The following SMAP2 variants were observed in gnomAD, a reference collection of about 807,000 sequenced individuals.
SMAP2 encodes stromal membrane-associated protein 2.
SMAP2 carries 25 observed loss-of-function variants against 56.4 expected under a neutral mutation model. The observed-to-expected ratio is 0.44, with a 90% CI of 0.32 to 0.62. The LOEUF (loss-of-function observed/expected upper bound fraction) is 0.62. Ranked by LOEUF, SMAP2 falls within the 20% of genes least tolerant of loss-of-function variation. The pLI is 0.04. For synonymous variants in SMAP2, 157 were observed against 181.7 expected (o/e 0.86, Z 1.09); for missense variants, 388 against 545.6 (o/e 0.71, Z 2.88).
Position 40,422,237 on chromosome 1 carries a change from T to C in SMAP2, c.*136T>C. The C allele has an allele frequency of 8.0e-7, 1 of 1,247,390 alleles. No homozygotes were observed. Among genetic ancestry groups the C allele is most frequent in the Non-Finnish European group, 1.1e-6 (1 of 908,384 alleles). 77.3% of individuals were successfully genotyped at this position (1,247,390 alleles called of 1,614,324 possible). On this transcript the variant is annotated 3_prime_UTR_variant, in exon 10 of 10. Coordinates refer to ENST00000372718, the MANE Select transcript of SMAP2 (RefSeq NM_022733.3). ...ATTGCTCAATAAGTCATTTGGGGTT[T>C]GGCATCCTGCCCAGCCACTTCCCAA...
intron 9 of SMAP2, among the ~76,000 whole-genome samples, chr1:40,419,701 A>C (rs1464443893): frequency 2.0e-5 from 3 of 152,258 alleles, no homozygotes; most frequent in Non-Finnish European, 4.4e-5. Flanking sequence ...CTCTTCTATC[A>C]AAAGAAAATG....
chr1:40,376,573 C>CT (rs376165527), intron 1 of SMAP2, among the ~76,000 whole-genome samples: 56 of 152,318 alleles, frequency 3.7e-4, no homozygotes, highest in African/African-American at 1.3e-3. Context: ...CCCTCTCACT[C>CT]TTTTTCCCCT....
At chr1:40,388,956 C>T (rs1644689393) in intron 1 of SMAP2, among the ~76,000 whole-genome samples, 1 of 152,060 alleles carries the variant, frequency 6.6e-6, no homozygotes, top group African/African-American at 2.4e-5. Context: ...CTTTAACACT[C>T]ACCGCGAGGG....
chr1:40,420,713 C>T (rs1645033894), intron 9 of SMAP2, among the ~76,000 whole-genome samples: 1 of 152,180 alleles, frequency 6.6e-6, no homozygotes, highest in South Asian at 2.1e-4. Flanking sequence ...ACATGTGTCA[C>T]CTCCATAGAA....
At chr1:40,348,786 T>C (rs985576190) in intron 1 of SMAP2, among the ~76,000 whole-genome samples, 1 of 152,188 alleles carries the variant, frequency 6.6e-6, no homozygotes, top group Non-Finnish European at 1.5e-5. Flanking sequence ...TCTTTCTTTC[T>C]TTTTTGAGAT....
chr1:40,362,610 T>C (rs1644464222), intron 2 of SMAP2, among the ~76,000 whole-genome samples: 1 of 152,156 alleles, frequency 6.6e-6, no homozygotes, highest in South Asian at 2.1e-4. Context: ...CTGATTCTTT[T>C]TCATGTGATT....
At chr1:40,392,979 G>A (rs988521673) in intron 1 of SMAP2, among the ~76,000 whole-genome samples, 1 of 151,926 alleles carries the variant, frequency 6.6e-6, no homozygotes, top group East Asian at 1.9e-4. Context: ...GCATGCACCT[G>A]TAGTCCCAGG....
chr1:40,414,944 G>T (rs1390994163), intron 6 of SMAP2, among the ~76,000 whole-genome samples: 1 of 152,108 alleles, frequency 6.6e-6, no homozygotes, highest in Non-Finnish European at 1.5e-5. Context: ...ACCTTTCCTT[G>T]CTCTCTGAAA....
At position 40,416,209 on chromosome 1, in the gene SMAP2, G is replaced by A. The variant is rs745490745; in HGVS notation, c.715G>A (p.Gly239Ser). The A allele has an allele frequency of 1.2e-5, 20 of 1,613,814 alleles. 1 individual carries two copies. The highest frequency in any genetic ancestry group is 1.6e-4 in the Middle Eastern group (1 of 6,082). Reference protein sequence around the residue: ...VGSMPTAGSAGSVPENLNLFP... With the variant: ...VGSMPTAGSASSVPENLNLFP... ...TTCCATGCCAACTGCAGGGAGTGCCGGCTCTGTTCCTGAAAATCTGAACCT... is the reference window on the plus strand; with the variant it reads ...TTCCATGCCAACTGCAGGGAGTGCCAGCTCTGTTCCTGAAAATCTGAACCT... The change falls in exon 8 of 10, where the codon GGC becomes AGC. Residue 239 changes from glycine (G) to serine (S), a missense_variant. Coordinates refer to ENST00000372718, the MANE Select transcript of SMAP2 (RefSeq NM_022733.3).
chr1:40,419,345 A>G (rs1645020522), intron 9 of SMAP2, among the ~76,000 whole-genome samples: 1 of 150,166 alleles, frequency 6.7e-6, no homozygotes, highest in African/African-American at 2.5e-5. Context: ...CAGTGGCACA[A>G]TCTCGGCTCA....
At chr1:40,370,863 A>G (rs1189672549), upstream of SMAP2, among the ~76,000 whole-genome samples, 1 of 151,728 alleles carries the variant, frequency 6.6e-6, no homozygotes, top group African/African-American at 2.4e-5. Flanking sequence ...TAATAAAAAA[A>G]AAAAAAAAAG....
upstream of SMAP2, among the ~76,000 whole-genome samples, chr1:40,370,868 AAAAAG>A (rs1490958930): frequency 4.0e-5 from 6 of 151,712 alleles, no homozygotes; most frequent in Non-Finnish European, 8.8e-5. Flanking sequence ...AAAAAAAAAA[AAAAAG>A]AAAAGAAAAT....
At chr1:40,419,839 G>A (rs1645025488) in intron 9 of SMAP2, among the ~76,000 whole-genome samples, 1 of 152,134 alleles carries the variant, frequency 6.6e-6, no homozygotes, top group Admixed American at 6.5e-5. Context: ...CATGTGTACT[G>A]CACATGTGCA....
At chr1:40,356,411 T>TG (rs371801279) in intron 1 of SMAP2, among the ~76,000 whole-genome samples, 1,730 of 149,082 alleles carry the variant, frequency 0.012, 19 homozygotes, top group Admixed American at 0.018. Flanking sequence ...TTTTGTTTTT[T>TG]TTTGTTTTTT....
chr1:40,374,341 G>T lies in SMAP2; in HGVS notation c.103+118G>T. The stretch of plus-strand genomic sequence containing the variant: ...CCCAACTCGGCTTATAAGTGGTAAC[G>T]CGTGCTGCGCTTGCAGTGAGCCTAC... On this transcript the variant is annotated intron_variant, in intron 1 of 9. Coordinates refer to ENST00000372718, the MANE Select transcript of SMAP2 (RefSeq NM_022733.3). The surrounding 1 kb of genome is among the most constrained non-coding windows in gnomAD (Gnocchi z 5.9). 1 of 847,470 alleles carries T rather than the reference G, an allele frequency of 1.2e-6. No individual in the cohort carries two copies. Among genetic ancestry groups the T allele is most frequent in the Non-Finnish European group, 1.9e-6 (1 of 513,496 alleles). The allele number at this position is 847,470 out of a possible 1,614,324, so 52.5% of individuals were successfully genotyped here.
intron 1 of SMAP2, among the ~76,000 whole-genome samples, chr1:40,395,979 A>T (rs1644767859): frequency 6.6e-6 from 1 of 152,198 alleles, no homozygotes; most frequent in African/African-American, 2.4e-5. Context: ...TGGTAGGAAG[A>T]TAATGTTGCT....
upstream of SMAP2, among the ~76,000 whole-genome samples, chr1:40,371,242 G>A (rs550581757): frequency 2.8e-4 from 42 of 152,118 alleles, no homozygotes; most frequent in Non-Finnish European, 5.3e-4. Flanking sequence ...ATGGAACAGA[G>A]TGAACATTTT....
intron 1 of SMAP2, among the ~76,000 whole-genome samples, chr1:40,379,958 G>C (rs1644581397): frequency 1.3e-5 from 2 of 152,212 alleles, no homozygotes; most frequent in Non-Finnish European, 2.9e-5. Flanking sequence ...GGAACAGCCA[G>C]TTAAATTCCT....
At chr1:40,387,730 C>T (rs536074729) in intron 1 of SMAP2, among the ~76,000 whole-genome samples, 1 of 152,200 alleles carries the variant, frequency 6.6e-6, no homozygotes, top group Non-Finnish European at 1.5e-5. Context: ...GGTGCCTCCT[C>T]GGCCTTGGCA....
Sources: allele counts gnomAD v4.1 joint callset (sites outside exome capture counted in the v4.1 genomes callset), GRCh38; gene constraint gnomAD v4.1.1; non-coding constraint Gnocchi (gnomAD v3.1); transcripts MANE v1.5; gene names NCBI Gene and HGNC (gene_info 2026-07-23, HGNC 2026-07-21).